The following DAB1 variants were observed in gnomAD, a reference collection of about 807,000 sequenced individuals.
The protein encoded by DAB1 is disabled homolog 1.
DAB1 carries 15 observed loss-of-function variants against 64.6 expected under a neutral mutation model. The observed-to-expected ratio is 0.23, with a 90% CI of 0.16 to 0.36. The LOEUF is 0.36. DAB1 is among the 10% of genes least tolerant of loss of function. The pLI, the probability that DAB1 is intolerant of heterozygous loss-of-function variation, is 1.00. For missense variants in DAB1, 596 were observed against 706.7 expected (o/e 0.84, Z 1.78); for synonymous variants, 235 against 251.9 (o/e 0.93, Z 0.64).
intron 4 of DAB1, among the ~76,000 whole-genome samples, chr1:58,259,001 G>T (rs1660992864): frequency 1.3e-5 from 2 of 152,274 alleles, no homozygotes; most frequent in African/African-American, 4.8e-5. Context: ...ACTTTCCTGA[G>T]CTGTGGTTTC....
At chr1:58,205,792 AGGT>A (rs1388144337) in intron 4 of DAB1, among the ~76,000 whole-genome samples, 2 of 152,178 alleles carry the variant, frequency 1.3e-5, no homozygotes, top group African/African-American at 4.8e-5. Flanking sequence ...GATTGTGCAT[AGGT>A]GTAAGGAACA....
chr1:57,427,430 A>G (rs2101108356), upstream of DAB1, among the ~76,000 whole-genome samples: 1 of 152,306 alleles, frequency 6.6e-6, no homozygotes, highest in African/African-American at 2.4e-5. Flanking sequence ...TGAACTTTAC[A>G]TAATTTATAA....
chr1:57,298,162 T>C (rs1673355192), intron 1 of DAB1, among the ~76,000 whole-genome samples: 1 of 152,168 alleles, frequency 6.6e-6, no homozygotes, highest in African/African-American at 2.4e-5. Context: ...CTATCTGATC[T>C]GACCATGGCA....
rs530126623 is a variant in DAB1 at position 58,379,263 on chromosome 1, T to G, written n.258-35860A>C. Among the ~76,000 whole-genome samples, 3 of 152,370 alleles carry G rather than the reference T, an allele frequency of 2.0e-5. No individual in the cohort carries two copies. In the South Asian group the frequency reaches 6.2e-4, roughly 32 times the overall value. On this transcript the variant is annotated intron_variant and non_coding_transcript_variant, in intron 3 of 20. Transcript: ENST00000485760. Reference sequence around the variant, plus strand: ...TATCTTGGAAGTAGCAGTCAGTGATTATATACACATGGAATGTAATAAACA... The same window carrying G: ...TATCTTGGAAGTAGCAGTCAGTGATGATATACACATGGAATGTAATAAACA...
Position 58,221,208 on chromosome 1 carries a change from T to C in DAB1, n.310-70620A>G, listed in dbSNP as rs904462760. On this transcript the variant is annotated intron_variant and non_coding_transcript_variant, in intron 4 of 20. Coordinates refer to the DAB1 transcript ENST00000485760. Reference sequence around the variant, plus strand: ...GAAATACAGCTTGCCTGAGAAAATATGAATCAGAATTTATTGTGTTGTGCT... The same window carrying C: ...GAAATACAGCTTGCCTGAGAAAATACGAATCAGAATTTATTGTGTTGTGCT... 3.3e-5 allele frequency among the ~76,000 whole-genome samples: 5 copies of C among 152,150 alleles called. No individual in the cohort carries two copies. The East Asian group carries it at 9.6e-4, about 29-fold the overall frequency.
intron 1 of DAB1, among the ~76,000 whole-genome samples, chr1:57,860,177 C>T (rs1419378018): frequency 3.3e-5 from 5 of 151,996 alleles, no homozygotes; most frequent in Non-Finnish European, 7.4e-5. Context: ...GAATGTAACA[C>T]ATAGAAAAAA....
intron 5 of DAB1, among the ~76,000 whole-genome samples, chr1:58,104,973 C>G (rs1443749664): frequency 1.3e-5 from 2 of 152,068 alleles, no homozygotes; most frequent in Non-Finnish European, 2.9e-5. Flanking sequence ...ACCATGACCC[C>G]AAAAGAAATT....
At chr1:57,982,297 C>T (rs1165942517) in intron 5 of DAB1, among the ~76,000 whole-genome samples, 2 of 152,282 alleles carry the variant, frequency 1.3e-5, no homozygotes, top group South Asian at 2.1e-4. Flanking sequence ...AGGTAAATCA[C>T]CCACATGAAG....
At chr1:58,432,851 A>G (rs1307249149) in intron 3 of DAB1, among the ~76,000 whole-genome samples, 1 of 152,158 alleles carries the variant, frequency 6.6e-6, no homozygotes, top group Non-Finnish European at 1.5e-5. Context: ...GGCTTCTTTC[A>G]GGGCTCCATG....
intron 7 of DAB1, among the ~76,000 whole-genome samples, chr1:57,522,235 G>A (rs1644536425): frequency 6.6e-6 from 1 of 152,124 alleles, no homozygotes; most frequent in African/African-American, 2.4e-5. Flanking sequence ...ACTATATACA[G>A]AACAGTTAGA....
intron 4 of DAB1, among the ~76,000 whole-genome samples, chr1:58,314,446 G>A (rs576344804): frequency 2.6e-4 from 39 of 152,044 alleles, no homozygotes; most frequent in Non-Finnish European, 3.8e-4. Context: ...TGGTTTTTGC[G>A]CCCTCTTTTT....
chr1:57,996,967 CA>C (rs1403577762), intron 5 of DAB1, among the ~76,000 whole-genome samples: 1 of 152,064 alleles, frequency 6.6e-6, no homozygotes, highest in Admixed American at 6.6e-5. Flanking sequence ...GATCCGCCTC[CA>C]CCCCACTGCC....
chr1:57,608,753 T>A (rs958335590), intron 7 of DAB1, among the ~76,000 whole-genome samples: 5 of 152,150 alleles, frequency 3.3e-5, no homozygotes, highest in African/African-American at 1.2e-4. Context: ...CTCAGCAAGC[T>A]ACAAATCCAA....
chr1:58,047,377 G>A lies in DAB1; in HGVS notation n.387+103134C>T, dbSNP rs759598544. ...CACATTTCAGGTGCCCAATAGCCAC[G>A]TGTGGTTGGACAGTGTGGTGTGAAG... On this transcript the variant is annotated intron_variant and non_coding_transcript_variant, in intron 5 of 20. Coordinates refer to the DAB1 transcript ENST00000485760. Among the ~76,000 whole-genome samples, 46 of 152,308 alleles carry A rather than the reference G, an allele frequency of 3.0e-4. No homozygotes were observed. In the South Asian group the frequency reaches 3.3e-3, roughly 11 times the overall value.
chr1:57,008,177 T>C (rs746557758), intron 14 of DAB1, among the ~76,000 whole-genome samples: 1 of 152,216 alleles, frequency 6.6e-6, no homozygotes, highest in African/African-American at 2.4e-5. Flanking sequence ...TTTTTGGCAG[T>C]GAGCTGTGTG....
intron 5 of DAB1, among the ~76,000 whole-genome samples, chr1:58,130,524 C>T (rs923180746): frequency 6.6e-6 from 1 of 151,982 alleles, no homozygotes; most frequent in East Asian, 1.9e-4. Context: ...TGATTTTGCT[C>T]GTTAGTTGAT....
intron 5 of DAB1, among the ~76,000 whole-genome samples, chr1:57,963,666 C>T (rs1414351239): frequency 6.6e-6 from 1 of 152,166 alleles, no homozygotes; most frequent in East Asian, 1.9e-4. Flanking sequence ...ATTCTAGACA[C>T]CCTGCGTCAC....
chr1:57,837,766 T>A (rs1418342950), intron 1 of DAB1, among the ~76,000 whole-genome samples: 1 of 151,384 alleles, frequency 6.6e-6, no homozygotes, highest in Non-Finnish European at 1.5e-5. Context: ...ATCACCACCA[T>A]CCCTACCACC....
At chr1:58,437,843 G>A (rs1469550046) in intron 3 of DAB1, among the ~76,000 whole-genome samples, 1 of 152,206 alleles carries the variant, frequency 6.6e-6, no homozygotes, top group Non-Finnish European at 1.5e-5. Context: ...TGAGCAGGGT[G>A]AGCACATGAC....
Sources: gnomAD v4.1 joint callset for allele counts (sites outside exome capture counted in the v4.1 genomes callset) on GRCh38, gnomAD v4.1.1 for gene constraint, MANE v1.5 for transcripts, NCBI Gene and HGNC (gene_info 2026-07-23, HGNC 2026-07-21) for gene names.